PLCXD3: variants seen among roughly 807,000 people sequenced by gnomAD.
PLCXD3 encodes the protein PI-PLC X domain-containing protein 3.
Under a neutral mutation model 25.5 loss-of-function variants are expected in PLCXD3, and 19 were observed. The ratio of observed to expected loss-of-function variants is 0.75; its 90% CI spans 0.52 to 1.09. The LOEUF is 1.09. Ranked by LOEUF, PLCXD3 falls within the 50% of genes least tolerant of loss-of-function variation. The pLI is 0.00. For missense variants in PLCXD3, 411 were observed against 388.1 expected (o/e 1.06, Z -0.50); for synonymous variants, 174 against 137.6 (o/e 1.26, Z -1.85).
chr5:41,422,781 T>A (rs998313033), intron 1 of PLCXD3, among the ~76,000 whole-genome samples: 33 of 152,212 alleles, frequency 2.2e-4, no homozygotes, highest in Non-Finnish European at 1.3e-4. Flanking sequence ...GTGGCATTTT[T>A]TTCCAGTATG....
At chr5:41,370,322 C>A (rs1367093796) in intron 2 of PLCXD3, among the ~76,000 whole-genome samples, 3 of 126,918 alleles carry the variant, frequency 2.4e-5, no homozygotes, top group African/African-American at 9.4e-5. Context: ...TTAGTGCCTG[C>A]AATTGATGCA....
At chr5:41,452,116 T>A (rs942783150) in intron 1 of PLCXD3, among the ~76,000 whole-genome samples, 3 of 152,050 alleles carry the variant, frequency 2.0e-5, no homozygotes, top group African/African-American at 7.2e-5. Flanking sequence ...GCCCTGATTC[T>A]GTCTCCCAAA....
intron 1 of PLCXD3, among the ~76,000 whole-genome samples, chr5:41,479,697 G>A (rs894531352): frequency 6.6e-6 from 1 of 151,482 alleles, no homozygotes; most frequent in African/African-American, 2.4e-5. Context: ...TTGGTCCTTA[G>A]TACTCTGCTG....
At chr5:41,476,964 T>C (rs1399939902) in intron 1 of PLCXD3, among the ~76,000 whole-genome samples, 1 of 152,212 alleles carries the variant, frequency 6.6e-6, no homozygotes, top group East Asian at 1.9e-4. Flanking sequence ...AAATGTAGTT[T>C]CCATAGATAG....
At chr5:41,440,178 T>TAGCTATA (rs1388814898) in intron 1 of PLCXD3, among the ~76,000 whole-genome samples, 1 of 150,536 alleles carries the variant, frequency 6.6e-6, no homozygotes, top group African/African-American at 2.5e-5. Context: ...CGTTACTTAT[T>TAGCTATA]AGCTATACAG....
chr5:41,341,126 A>G (rs1744136176), intron 2 of PLCXD3, among the ~76,000 whole-genome samples: 1 of 152,176 alleles, frequency 6.6e-6, no homozygotes, highest in African/African-American at 2.4e-5. Context: ...CAGTATATCT[A>G]GTGGAATTCA....
At chr5:41,466,595 A>T (rs1748022392) in intron 1 of PLCXD3, among the ~76,000 whole-genome samples, 1 of 152,052 alleles carries the variant, frequency 6.6e-6, no homozygotes, top group Admixed American at 6.6e-5. Flanking sequence ...TATGTAATAC[A>T]TTATTGTCTA....
chr5:41,470,363 T>C (rs1580389034), intron 1 of PLCXD3, among the ~76,000 whole-genome samples: 2 of 149,422 alleles, frequency 1.3e-5, no homozygotes, highest in Admixed American at 6.7e-5. Context: ...AAGACAATCA[T>C]TTCAGACAGA....
chr5:41,349,189 A>G (rs1261124116), intron 2 of PLCXD3, among the ~76,000 whole-genome samples: 1 of 152,158 alleles, frequency 6.6e-6, no homozygotes, highest in Non-Finnish European at 1.5e-5. Context: ...TGGTCAGAAA[A>G]TTATTCTTAG....
chr5:41,490,234 C>T (rs1748628385), intron 1 of PLCXD3, among the ~76,000 whole-genome samples: 1 of 152,182 alleles, frequency 6.6e-6, no homozygotes, highest in African/African-American at 2.4e-5. Context: ...TGCTGGATTA[C>T]ATTTATTGAT....
At chr5:41,466,980 T>A (rs910973978) in intron 1 of PLCXD3, among the ~76,000 whole-genome samples, 1 of 152,182 alleles carries the variant, frequency 6.6e-6, no homozygotes, top group African/African-American at 2.4e-5. Context: ...AGGTTGATTC[T>A]ATATCTTCGC....
At chr5:41,420,680 G>A (rs1406259499) in intron 1 of PLCXD3, among the ~76,000 whole-genome samples, 1 of 152,122 alleles carries the variant, frequency 6.6e-6, no homozygotes, top group East Asian at 1.9e-4. Flanking sequence ...CACCTCCAAT[G>A]CTTGCAGAGA....
At chr5:41,451,884 AG>A (rs1747640778) in intron 1 of PLCXD3, among the ~76,000 whole-genome samples, 1 of 152,016 alleles carries the variant, frequency 6.6e-6, no homozygotes, top group Admixed American at 6.6e-5. Context: ...GTTGGATTGG[AG>A]GCTTCCCAAG....
intron 1 of PLCXD3, among the ~76,000 whole-genome samples, chr5:41,417,914 A>G (rs1746730391): frequency 2.0e-5 from 3 of 152,256 alleles, no homozygotes; most frequent in Admixed American, 2.0e-4. Flanking sequence ...GCCAAAGAAA[A>G]TAGAATATCC....
intron 2 of PLCXD3, among the ~76,000 whole-genome samples, chr5:41,335,371 T>C (rs944463703): frequency 6.6e-5 from 10 of 152,152 alleles, no homozygotes; most frequent in African/African-American, 1.4e-4. Flanking sequence ...CTAGTACTAT[T>C]AGAGGCAGTA....
intron 2 of PLCXD3, among the ~76,000 whole-genome samples, chr5:41,370,942 C>T (rs1413816244): frequency 6.6e-6 from 1 of 152,012 alleles, no homozygotes; most frequent in Non-Finnish European, 1.5e-5. Flanking sequence ...TTTTCCTGCC[C>T]TGGACCCCTT....
At chr5:41,493,666 C>T (rs906397025) in intron 1 of PLCXD3, among the ~76,000 whole-genome samples, 11 of 152,214 alleles carry the variant, frequency 7.2e-5, no homozygotes, top group Non-Finnish European at 1.3e-4. Context: ...GCCTAGCTGC[C>T]GCCTTGCAGT....
intron 2 of PLCXD3, among the ~76,000 whole-genome samples, chr5:41,353,460 T>A (rs1253364314): frequency 6.6e-6 from 1 of 151,678 alleles, no homozygotes; most frequent in Non-Finnish European, 1.5e-5. Context: ...ATATCAGGAG[T>A]TTTATATAAG....
chr5:41,431,869 C>G (rs1157607473), intron 1 of PLCXD3, among the ~76,000 whole-genome samples: 4 of 152,042 alleles, frequency 2.6e-5, no homozygotes, highest in African/African-American at 9.7e-5. Context: ...GTGTGATTAC[C>G]TCCAATTTCA....
Sources: gnomAD v4.1 joint callset for allele counts (sites outside exome capture counted in the v4.1 genomes callset) on GRCh38, gnomAD v4.1.1 for gene constraint, MANE v1.5 for transcripts, NCBI Gene and HGNC (gene_info 2026-07-23, HGNC 2026-07-21) for gene names.